The following ARHGEF33 variants were observed in gnomAD, a reference collection of about 807,000 sequenced individuals.
ARHGEF33 encodes the protein Rho guanine nucleotide exchange factor 33, also known as DH and coiled-coil domain-containing protein ENSP00000381780.
In ARHGEF33, 72 loss-of-function variants were observed where a neutral mutation model predicts 101.9. That is an observed-to-expected ratio of 0.71 (90% CI 0.58 to 0.86). ARHGEF33 has a LOEUF of 0.86. Among genes scored for constraint, ARHGEF33 ranks in the 40% least tolerant of loss-of-function variants. The pLI, the probability that ARHGEF33 is intolerant of heterozygous loss-of-function variation, is 0.00. For missense variants in ARHGEF33, 1,169 were observed against 1,111.3 expected (o/e 1.05, Z -0.74); for synonymous variants, 499 against 442.5 (o/e 1.13, Z -1.60).
chr2:38,896,397 G>A lies in ARHGEF33; in HGVS notation c.-86+548G>A, dbSNP rs112884152. 6.5e-3 allele frequency among the ~76,000 whole-genome samples: 985 copies of A among 152,254 alleles called. 15 individuals carry two copies. The highest frequency in any genetic ancestry group is 0.022 in the African/African-American group (908 of 41,556). On this transcript the variant is annotated intron_variant, in intron 2 of 17. Coordinates refer to ENST00000409978, the MANE Select transcript of ARHGEF33 (RefSeq NM_001145451.5). ...AAGTGATCTACCTGCCTTGGCCTCC[G>A]AAAGTGCTGGGATTACAGGTGTGAG... is the stretch of plus-strand genomic sequence containing the variant.
At chr2:38,948,751 A>G (rs1667514957) in intron 10 of ARHGEF33, among the ~76,000 whole-genome samples, 1 of 152,180 alleles carries the variant, frequency 6.6e-6, no homozygotes, top group African/African-American at 2.4e-5. Flanking sequence ...GTCATTTACA[A>G]CCACTGGGTA....
intron 6 of ARHGEF33, among the ~76,000 whole-genome samples, chr2:38,930,096 T>C (rs533651600): frequency 1.3e-5 from 2 of 152,348 alleles, no homozygotes; most frequent in East Asian, 3.9e-4. Flanking sequence ...AGTGTAAAAA[T>C]ATGTAAAATA....
chr2:38,920,499 C>T lies in ARHGEF33; in HGVS notation c.26-875C>T, dbSNP rs368873018. On this transcript the variant is annotated intron_variant, in intron 3 of 17. Coordinates refer to ENST00000409978, the MANE Select transcript of ARHGEF33 (RefSeq NM_001145451.5). ...CTCAACTCACTGCAACCTCTGCCTC[C>T]CGGGTTCAAGCGATTCTCCTGCCTC... Among the ~76,000 whole-genome samples, 229 of 147,302 alleles carry T rather than the reference C, an allele frequency of 1.6e-3. 5 individuals carry two copies. In the South Asian group the frequency reaches 0.026, roughly 17 times the overall value.
At position 38,929,787 on chromosome 2, in the gene ARHGEF33, C is replaced by T; in HGVS notation, c.319C>T (p.Leu107Phe). Residue 107 changes from leucine to phenylalanine, a missense_variant, in exon 6 of 18, where the codon CTT becomes TTT. By Grantham distance (22) the Leu-to-Phe change is conservative. Transcript: ENST00000409978. ...QEEMQQKIEQ[L>F]QQEKRRESRK... ...AGAAATGCAACAGAAAATCGAGCAG[C>T]TTCAACAGGAGAAGCGAAGAGAATC... 6.4e-7 allele frequency: 1 copy of T among 1,551,666 alleles called. No homozygotes were observed. Among genetic ancestry groups the T allele is most frequent in the South Asian group, 1.2e-5 (1 of 84,054 alleles).
At chr2:38,915,683 T>C (rs1666617970) in intron 2 of ARHGEF33, among the ~76,000 whole-genome samples, 1 of 152,142 alleles carries the variant, frequency 6.6e-6, no homozygotes, top group South Asian at 2.1e-4. Flanking sequence ...CTAATGTAGT[T>C]TTGTTGCTTT....
chr2:38,937,385 T>C lies in ARHGEF33; in HGVS notation c.616T>C (p.Ser206Pro), dbSNP rs1302858070. The C allele has an allele frequency of 7.3e-7, 1 of 1,374,078 alleles. No individual in the cohort carries two copies. Among genetic ancestry groups the C allele is most frequent in the Non-Finnish European group, 9.6e-7 (1 of 1,044,540 alleles). The allele number at this position is 1,374,078 out of a possible 1,614,324, so 85.1% of individuals were successfully genotyped here. A position where few individuals can be genotyped will look rare whatever the true frequency, so the allele number is the denominator to read the frequency against. Reference protein sequence around the residue: ...EAEENLKSCLSADIQSKGHLP... With the variant: ...EAEENLKSCLPADIQSKGHLP... ...AGAAGAAAACCTCAAGTCTTGCCTC[T>C]CGGCTGATATCCAGTCCAAGGGCCA... The change falls in exon 9 of 18, where the codon TCG (serine) becomes CCG (proline). Residue 206 changes from serine to proline, a missense_variant. Physicochemically the swap from Ser to Pro is moderately conservative, Grantham distance 74. Coordinates refer to ENST00000409978, the MANE Select transcript of ARHGEF33 (RefSeq NM_001145451.5).
chr2:38,948,548 G>C (rs902699501), intron 10 of ARHGEF33, among the ~76,000 whole-genome samples: 3 of 151,784 alleles, frequency 2.0e-5, no homozygotes, highest in Non-Finnish European at 2.9e-5. Flanking sequence ...GAAAGGGAAG[G>C]AGAGAGGGAG....
intron 4 of ARHGEF33, among the ~76,000 whole-genome samples, chr2:38,927,458 G>A (rs1666899907): frequency 6.6e-6 from 1 of 152,244 alleles, no homozygotes; most frequent in African/African-American, 2.4e-5. Flanking sequence ...CACTTTGGGA[G>A]GCCAAGAAGG....
chr2:38,954,308 A>G (rs998616379), intron 12 of ARHGEF33, 65 bp from the exon 13 acceptor site: 3 of 957,880 alleles, frequency 3.1e-6, no homozygotes, highest in Non-Finnish European at 4.9e-6. Context: ...GGTGGGACTG[A>G]TTCGAGGTTC....
intron 12 of ARHGEF33, among the ~76,000 whole-genome samples, 177 bp from the exon 13 acceptor site, chr2:38,954,196 C>T (rs1273039608): frequency 1.1e-4 from 16 of 152,224 alleles, no homozygotes; most frequent in Admixed American, 9.8e-4. Context: ...AGAGCTGTCT[C>T]CTAGGGCATG....
intron 10 of ARHGEF33, among the ~76,000 whole-genome samples, chr2:38,948,778 A>G (rs140525681): frequency 7.2e-5 from 11 of 152,296 alleles, no homozygotes; most frequent in African/African-American, 2.6e-4. Context: ...AATCTTTTGC[A>G]CCTAGATCTT....
At chr2:38,915,052 A>G (rs1299108463) in intron 2 of ARHGEF33, among the ~76,000 whole-genome samples, 2 of 152,040 alleles carry the variant, frequency 1.3e-5, no homozygotes, top group African/African-American at 2.4e-5. Context: ...GATCTTAACT[A>G]TGTTGCCTGG....
At chr2:38,937,141 C>G (rs1276184972) in intron 8 of ARHGEF33, 194 bp from the exon 9 acceptor site, 3 of 497,750 alleles carry the variant, frequency 6.0e-6, no homozygotes, top group African/African-American at 2.0e-5. Flanking sequence ...ACTACAGGTG[C>G]CCGCCACCAC....
intron 10 of ARHGEF33, among the ~76,000 whole-genome samples, chr2:38,945,277 T>C (rs374435134): frequency 5.9e-5 from 9 of 152,306 alleles, no homozygotes; most frequent in African/African-American, 2.2e-4. Flanking sequence ...TTTGACTTGG[T>C]GGCTGCCAAC....
At chr2:38,915,382 CTTTTTTTTTT>C (rs35975491) in intron 2 of ARHGEF33, among the ~76,000 whole-genome samples, 57 of 112,390 alleles carry the variant, frequency 5.1e-4, no homozygotes, top group African/African-American at 1.7e-3. Context: ...TTTTTATTGA[CTTTTTTTTTT>C]TTTTTTTTTT....
Position 38,951,140 on chromosome 2 carries a change from C to T in ARHGEF33, c.1053+19C>T, listed in dbSNP as rs1667592516. 1 of 1,549,732 alleles carries T rather than the reference C, an allele frequency of 6.5e-7. No individual in the cohort carries two copies. Among genetic ancestry groups the T allele is most frequent in the Non-Finnish European group, 8.7e-7 (1 of 1,145,964 alleles). ...TGACGAGGTAAGGTTTTTTCTGCCC[C>T]TCTATACATTTTACTTATACGGATT... On this transcript the variant is annotated intron_variant, in intron 11 of 17. Coordinates refer to ENST00000409978, the MANE Select transcript of ARHGEF33 (RefSeq NM_001145451.5).
chr2:38,895,784 A>G lies in ARHGEF33; in HGVS notation c.-151A>G, dbSNP rs1374020353. The G allele has an allele frequency of 6.6e-6, 1 of 151,084 alleles. No individual in the cohort carries two copies. The highest frequency in any genetic ancestry group is 2.4e-5 in the African/African-American group (1 of 40,856). The allele number at this position is 151,084 out of a possible 1,614,324, so 9.4% of individuals were successfully genotyped here. On this transcript the variant is annotated 5_prime_UTR_variant, in exon 2 of 18. Coordinates refer to ENST00000409978, the MANE Select transcript of ARHGEF33 (RefSeq NM_001145451.5). ...TTTTTTTTTTTTTTACAGAACTTCT[A>G]GAGAAAACAAGAAGAAGACTTCAAA...
chr2:38,912,014 C>T (rs533742937), intron 2 of ARHGEF33, among the ~76,000 whole-genome samples: 1 of 152,344 alleles, frequency 6.6e-6, no homozygotes, highest in Non-Finnish European at 1.5e-5. Flanking sequence ...TCTCTCCACT[C>T]AAGACAGACT....
rs181726668 is a variant in ARHGEF33 at position 38,926,011 on chromosome 2, C to A, written c.76-2896C>A. Among the ~76,000 whole-genome samples the A allele has an allele frequency of 1.3e-3, 203 of 151,938 alleles. 2 individuals are homozygous for A. The highest frequency in any genetic ancestry group is 4.9e-3 in the African/African-American group (201 of 41,440). ...ATTCATCTTAAGAAGAGTTAAGAAG[C>A]CAAGAAAAGAAAGAAAATTGAGAAT... On this transcript the variant is annotated intron_variant, in intron 4 of 17. Transcript: ENST00000409978.
Sources: gnomAD v4.1 joint callset for allele counts (sites outside exome capture counted in the v4.1 genomes callset) on GRCh38, gnomAD v4.1.1 for gene constraint, MANE v1.5 for transcripts, NCBI Gene and HGNC (gene_info 2026-07-23, HGNC 2026-07-21) for gene names.